MYO16: variants seen among roughly 807,000 people sequenced by gnomAD.
The protein encoded by MYO16 is unconventional myosin-XVI.
In MYO16, 94 loss-of-function variants were observed where a neutral mutation model predicts 205.3. The observed-to-expected ratio is 0.46, with a 90% confidence interval of 0.39 to 0.54. The LOEUF is 0.54. Ranked by LOEUF, MYO16 falls within the 20% of genes least tolerant of loss-of-function variation. The pLI is 0.00. For synonymous variants in MYO16, 988 were observed against 954.0 expected (o/e 1.04, Z -0.66); for missense variants, 2,315 against 2,387.5 (o/e 0.97, Z 0.63).
chr13:109,176,750 C>T (rs1161480582), intron 33 of MYO16, among the ~76,000 whole-genome samples: 1 of 151,540 alleles, frequency 6.6e-6, no homozygotes, highest in African/African-American at 2.4e-5. Context: ...CGGGCCCAGT[C>T]GCTTGTCCCA....
the MYO16 span, among the ~76,000 whole-genome samples, chr13:108,575,805 C>T: frequency 1.3e-5 from 2 of 152,150 alleles, no homozygotes; most frequent in East Asian, 1.9e-4. Flanking sequence ...CTGTCTTTCC[C>T]AGCCCTGTAC....
chr13:109,106,867 G>A (rs1371161707), intron 28 of MYO16, among the ~76,000 whole-genome samples: 2 of 152,128 alleles, frequency 1.3e-5, no homozygotes, highest in Non-Finnish European at 2.9e-5. Context: ...AAAGAAGAGT[G>A]GCCTGTGTGT....
Position 109,177,419 on chromosome 13 carries a change from A to G in MYO16, c.5324-2123A>G, listed in dbSNP as rs182336624. 1.6e-3 allele frequency among the ~76,000 whole-genome samples: 242 copies of G among 152,340 alleles called. 2 individuals carry two copies. The highest frequency in any genetic ancestry group is 5.5e-3 in the African/African-American group (229 of 41,588). ...TAATTGACTCTATGCAGTGCTCAGCAGGCTATCGATTCCGCTCTGAGCTTA... is the reference window on the plus strand; with the variant it reads ...TAATTGACTCTATGCAGTGCTCAGCGGGCTATCGATTCCGCTCTGAGCTTA... On this transcript the variant is annotated intron_variant, in intron 33 of 34. Coordinates refer to ENST00000457511, the MANE Select transcript of MYO16 (RefSeq NM_001198950.3).
chr13:108,695,519 C>G (rs1204530739), intron 2 of MYO16, among the ~76,000 whole-genome samples: 2 of 151,514 alleles, frequency 1.3e-5, no homozygotes, highest in African/African-American at 4.9e-5. Flanking sequence ...CCCTTGCAAT[C>G]TCATATGAAT....
intron 2 of MYO16, among the ~76,000 whole-genome samples, chr13:108,680,736 C>T (rs2139467703): frequency 6.6e-6 from 1 of 152,278 alleles, no homozygotes; most frequent in East Asian, 1.9e-4. Context: ...TTGCATATCT[C>T]CTCTCACCAT....
chr13:108,707,117 C>A (rs1364034668), intron 2 of MYO16, among the ~76,000 whole-genome samples: 1 of 152,128 alleles, frequency 6.6e-6, no homozygotes, highest in Non-Finnish European at 1.5e-5. Flanking sequence ...GAGCAGCTCA[C>A]TTGAATAAAG....
chr13:108,560,145 C>A, the MYO16 span, among the ~76,000 whole-genome samples: 1 of 152,154 alleles, frequency 6.6e-6, no homozygotes, highest in Non-Finnish European at 1.5e-5. Flanking sequence ...ATTATCATTG[C>A]TTGCAATTAA....
chr13:108,620,480 C>G (rs147846962), intron 1 of MYO16, among the ~76,000 whole-genome samples: 2,656 of 152,242 alleles, frequency 0.017, 31 homozygotes, highest in South Asian at 0.042. Flanking sequence ...ATCCCAGACT[C>G]ATTCTCTTGA....
chr13:109,178,443 GA>G (rs1879315519), intron 33 of MYO16, among the ~76,000 whole-genome samples: 1 of 152,272 alleles, frequency 6.6e-6, no homozygotes, highest in East Asian at 1.9e-4. Flanking sequence ...CCTATAATTG[GA>G]AAAGCGTGCA....
At chr13:108,957,592 A>T in intron 16 of MYO16, 96 bp from the exon 17 acceptor site, 1 of 787,678 alleles carries the variant, frequency 1.3e-6, no homozygotes, top group South Asian at 1.6e-5. Flanking sequence ...GGTGATTCCC[A>T]TCATTTTAGA....
intron 24 of MYO16, chr13:109,049,045 T>C (rs1476937406): frequency 2.8e-5 from 2 of 71,238 alleles, no homozygotes; most frequent in African/African-American, 9.4e-5. Context: ...TAGGAAAATT[T>C]AGGATTTACT....
At chr13:109,076,622 A>T (rs1166695034) in intron 27 of MYO16, among the ~76,000 whole-genome samples, 3 of 152,164 alleles carry the variant, frequency 2.0e-5, no homozygotes, top group Non-Finnish European at 4.4e-5. Flanking sequence ...ATCCCATAGC[A>T]GAGGGCCCAG....
chr13:109,005,516 G>A (rs1014060006), intron 21 of MYO16, among the ~76,000 whole-genome samples: 1 of 152,016 alleles, frequency 6.6e-6, no homozygotes, highest in Non-Finnish European at 1.5e-5. Flanking sequence ...CTACTATACT[G>A]TTATTCTCCA....
intron 23 of MYO16, among the ~76,000 whole-genome samples, chr13:109,032,871 A>C (rs532987971): frequency 1.3e-5 from 2 of 152,290 alleles, no homozygotes; most frequent in African/African-American, 4.8e-5. Context: ...GAGATACTGT[A>C]ATTAGCATTT....
At chr13:108,823,076 G>A in intron 8 of MYO16, 49 bp from the exon 9 acceptor site, 1 of 1,501,830 alleles carries the variant, frequency 6.7e-7, no homozygotes, top group Non-Finnish European at 9.1e-7. Context: ...AGATTTATGT[G>A]CTATCACCAC....
intron 16 of MYO16, among the ~76,000 whole-genome samples, chr13:108,943,544 G>A (rs989642210): frequency 1.3e-5 from 2 of 151,946 alleles, no homozygotes; most frequent in African/African-American, 4.8e-5. Context: ...TGCAACCTCT[G>A]CCTCCTGGGT....
chr13:108,724,418 A>C (rs1884269205), intron 3 of MYO16, among the ~76,000 whole-genome samples: 1 of 152,188 alleles, frequency 6.6e-6, no homozygotes, highest in Non-Finnish European at 1.5e-5. Flanking sequence ...TCTTGGAGAC[A>C]ATTATTAGCT....
rs150347986 is a variant in MYO16, at chr13:108,686,079, T to C, written c.292+19930T>C. Among the ~76,000 whole-genome samples, 4 of 152,248 alleles carry C rather than the reference T, an allele frequency of 2.6e-5. 1 individual carries two copies. The highest frequency in any genetic ancestry group is 9.6e-5 in the African/African-American group (4 of 41,546). On this transcript the variant is annotated intron_variant, in intron 2 of 34. Coordinates refer to ENST00000457511, the MANE Select transcript of MYO16 (RefSeq NM_001198950.3). ...AGAAAGCAGCAGACCTGGTAGGAAA[T>C]GTTTCAGGACGTAGCAGAGCTCTAA...
chr13:108,923,066 G>A (rs1881818131), intron 16 of MYO16, among the ~76,000 whole-genome samples: 1 of 152,136 alleles, frequency 6.6e-6, no homozygotes, highest in Non-Finnish European at 1.5e-5. Context: ...TTCACAATTT[G>A]CCTTTCAAAC....
Sources: allele counts gnomAD v4.1 joint callset (sites outside exome capture counted in the v4.1 genomes callset), GRCh38; gene constraint gnomAD v4.1.1; transcripts MANE v1.5; gene names NCBI Gene and HGNC (gene_info 2026-07-23, HGNC 2026-07-21).